Variants in TAFA1 observed in about 807,000 individuals in gnomAD.
The protein encoded by TAFA1 is chemokine-like protein TAFA-1.
In TAFA1, 4 loss-of-function variants were observed where a neutral mutation model predicts 18.5. The observed-to-expected ratio is 0.22, with a 90% CI of 0.11 to 0.49. The LOEUF (loss-of-function observed/expected upper bound fraction) is 0.49. Among genes scored for constraint, TAFA1 ranks in the 20% least tolerant of loss-of-function variants. TAFA1 has a pLI of 0.98. For missense variants in TAFA1, 147 were observed against 169.0 expected, an observed-to-expected ratio of 0.87 and a Z score of 0.72; for synonymous variants, 56 against 55.2, an observed-to-expected ratio of 1.01 and a Z score of -0.06.
intron 3 of TAFA1, among the ~76,000 whole-genome samples, chr3:68,478,482 T>C (rs1234554843): frequency 6.6e-6 from 1 of 152,238 alleles, no homozygotes; most frequent in Non-Finnish European, 1.5e-5. Flanking sequence ...GGATCATGTC[T>C]CAATGAATAT....
chr3:68,222,715 G>A (rs1343822654), intron 2 of TAFA1, among the ~76,000 whole-genome samples: 1 of 151,858 alleles, frequency 6.6e-6, no homozygotes, highest in Non-Finnish European at 1.5e-5. Context: ...TTTTGAGATG[G>A]AGTCTCACTC....
intron 3 of TAFA1, among the ~76,000 whole-genome samples, chr3:68,451,646 G>A (rs968000223): frequency 6.6e-6 from 1 of 152,164 alleles, no homozygotes; most frequent in Non-Finnish European, 1.5e-5. Flanking sequence ...GTATAACAGT[G>A]AAAACAGAAG....
At chr3:68,157,865 G>A (rs2065882493) in intron 2 of TAFA1, among the ~76,000 whole-genome samples, 1 of 152,164 alleles carries the variant, frequency 6.6e-6, no homozygotes, top group African/African-American at 2.4e-5. Flanking sequence ...TGGTTTGAAG[G>A]ATTTGAGTTA....
intron 2 of TAFA1, among the ~76,000 whole-genome samples, chr3:68,031,684 A>G (rs988855092): frequency 7.2e-5 from 11 of 152,172 alleles, no homozygotes; most frequent in Admixed American, 5.9e-4. Flanking sequence ...AGGATGATTA[A>G]TACATGAAAC....
At position 68,469,457 on chromosome 3, in the gene TAFA1, G is replaced by T. The variant is rs531725745; in HGVS notation, c.259+52037G>T. Among the ~76,000 whole-genome samples, 101 of 152,214 alleles carry T rather than the reference G, an allele frequency of 6.6e-4. 1 individual carries two copies. The highest frequency in any genetic ancestry group is 2.3e-3 in the African/African-American group (97 of 41,534). ...TGGGAGGCCAAAGCGGGTGGATCAC[G>T]AAGTCAGGAGATCGAGACCATCCTG... On this transcript the variant is annotated intron_variant, in intron 3 of 4. Transcript: ENST00000478136.
chr3:68,417,473 A>T, intron 3 of TAFA1, 53 bp downstream of exon 3: 1 of 1,550,692 alleles, frequency 6.4e-7, no homozygotes, highest in Non-Finnish European at 8.8e-7. Context: ...CACTATACAT[A>T]ATATAATTTC....
At chr3:68,120,041 T>G (rs1328866601) in intron 2 of TAFA1, among the ~76,000 whole-genome samples, 1 of 152,130 alleles carries the variant, frequency 6.6e-6, no homozygotes, top group African/African-American at 2.4e-5. Context: ...TCCTTAAAAG[T>G]CAGAGCAGGG....
In TAFA1 at chr3:68,538,819, A is replaced by G; in HGVS notation, c.323A>G (p.Lys108Arg). ...CCTTGCCTAGAAGGAGAAGAATGTA[A>G]GACACTCCCTGACAATTCTGGATGG... is the stretch of plus-strand genomic sequence containing the variant. Reference protein sequence around the residue: ...MEPCLEGEECKTLPDNSGWMC... With the variant: ...MEPCLEGEECRTLPDNSGWMC... Residue 108 changes from lysine (K) to arginine (R), a missense_variant, in exon 4 of 5, where the codon AAG (lysine) becomes AGG (arginine). Coordinates refer to ENST00000478136, the MANE Select transcript of TAFA1 (RefSeq NM_213609.4). 6.2e-7 allele frequency: 1 copy of G among 1,613,606 alleles called. No individual in the cohort carries two copies. The highest frequency in any genetic ancestry group is 1.1e-5 in the South Asian group (1 of 91,084).
chr3:68,141,179 C>T (rs1440081400), intron 2 of TAFA1, among the ~76,000 whole-genome samples: 1 of 152,152 alleles, frequency 6.6e-6, no homozygotes, highest in Admixed American at 6.6e-5. Context: ...CAATGGTGGG[C>T]AGCAGCTTGT....
chr3:68,145,396 T>A lies in TAFA1; in HGVS notation c.118+138652T>A, dbSNP rs1157113237. 4 of 844,326 alleles carry A rather than the reference T, an allele frequency of 4.7e-6. No individual in the cohort carries two copies. The African/African-American group carries it at 6.6e-5, about 14-fold the overall frequency. The allele number at this position is 844,326 out of a possible 1,614,324, so 52.3% of individuals were successfully genotyped here. ...AAGCATATACTTCAATCATCACTGATGATTTTGCAGCCTTTGTTGGACTTC... is the reference window on the plus strand; with the variant it reads ...AAGCATATACTTCAATCATCACTGAAGATTTTGCAGCCTTTGTTGGACTTC... On this transcript the variant is annotated intron_variant, in intron 2 of 4. Transcript: ENST00000478136.
chr3:68,456,356 G>A (rs1284249452), intron 3 of TAFA1, among the ~76,000 whole-genome samples: 1 of 152,090 alleles, frequency 6.6e-6, no homozygotes, highest in Non-Finnish European at 1.5e-5. Context: ...TGTCCTTTGT[G>A]GCATTTTTTC....
At chr3:68,401,400 A>T (rs1249372865) in intron 2 of TAFA1, among the ~76,000 whole-genome samples, 1 of 152,164 alleles carries the variant, frequency 6.6e-6, no homozygotes, top group Non-Finnish European at 1.5e-5. Flanking sequence ...AATCGCAGAA[A>T]ATCTCATTCA....
At chr3:68,421,362 T>C (rs1329772977) in intron 3 of TAFA1, among the ~76,000 whole-genome samples, 5 of 152,172 alleles carry the variant, frequency 3.3e-5, no homozygotes, top group African/African-American at 1.2e-4. Flanking sequence ...AATCCTTCAA[T>C]CCATTGGCAT....
chr3:68,530,321 C>A (rs1277530692), intron 3 of TAFA1, among the ~76,000 whole-genome samples: 3 of 152,154 alleles, frequency 2.0e-5, no homozygotes, highest in Non-Finnish European at 4.4e-5. Flanking sequence ...GATTTCTGCT[C>A]TATTTAGGAT....
At chr3:68,038,294 G>A (rs1196260244) in intron 2 of TAFA1, among the ~76,000 whole-genome samples, 2 of 152,296 alleles carry the variant, frequency 1.3e-5, no homozygotes, top group East Asian at 3.9e-4. Context: ...AATTGAGACA[G>A]ATTATCAAAA....
chr3:68,012,223 G>A (rs1704486455), intron 2 of TAFA1, among the ~76,000 whole-genome samples: 1 of 152,146 alleles, frequency 6.6e-6, no homozygotes, highest in African/African-American at 2.4e-5. Flanking sequence ...TGCAAATCCT[G>A]ACACTTCCAT....
intron 2 of TAFA1, among the ~76,000 whole-genome samples, chr3:68,055,403 C>T (rs1368382279): frequency 6.6e-6 from 1 of 152,134 alleles, no homozygotes; most frequent in Non-Finnish European, 1.5e-5. Flanking sequence ...TATTTTGCTC[C>T]CTTCCCCTAC....
At chr3:68,479,859 T>C (rs945421433) in intron 3 of TAFA1, among the ~76,000 whole-genome samples, 1 of 151,584 alleles carries the variant, frequency 6.6e-6, no homozygotes, top group African/African-American at 2.4e-5. Flanking sequence ...CACATACACA[T>C]TCATACTCAT....
intron 2 of TAFA1, among the ~76,000 whole-genome samples, chr3:68,153,163 T>C (rs993098614): frequency 1.3e-5 from 2 of 152,186 alleles, no homozygotes; most frequent in Non-Finnish European, 2.9e-5. Flanking sequence ...ATTGGTAGCA[T>C]AATTTTCTCA....
Sources: allele counts gnomAD v4.1 joint callset (sites outside exome capture counted in the v4.1 genomes callset), GRCh38; gene constraint gnomAD v4.1.1; transcripts MANE v1.5; gene names NCBI Gene and HGNC (gene_info 2026-07-23, HGNC 2026-07-21).